Variants in SUPT3H observed in about 807,000 individuals in gnomAD.
The protein encoded by SUPT3H is SPT3 homolog, SAGA and STAGA complex component, also known as transcription initiation protein SPT3 homolog.
In SUPT3H, 44 loss-of-function variants were observed where a neutral mutation model predicts 44.3. The observed-to-expected ratio is 0.99, with a 90% confidence interval of 0.78 to 1.28. SUPT3H has a LOEUF of 1.28. Among genes scored for constraint, SUPT3H ranks in the 50% most tolerant of loss-of-function variants. The pLI is 0.00. For missense variants in SUPT3H, 380 were observed against 387.1 expected (o/e 0.98, Z 0.15); for synonymous variants, 124 against 125.6 (o/e 0.99, Z 0.09).
intron 2 of SUPT3H, among the ~76,000 whole-genome samples, chr6:45,223,981 A>G (rs888727857): frequency 2.1e-4 from 32 of 148,954 alleles, no homozygotes; most frequent in Admixed American, 6.0e-4. Context: ...TTAATAAAAT[A>G]TATCTAATAT....
chr6:44,958,437 T>C (rs540349077), intron 7 of SUPT3H, among the ~76,000 whole-genome samples: 1 of 152,318 alleles, frequency 6.6e-6, no homozygotes, highest in South Asian at 2.1e-4. Flanking sequence ...GAAACTACTT[T>C]GCAACTTCAA....
At chr6:45,195,272 A>T (rs1815826981) in intron 2 of SUPT3H, among the ~76,000 whole-genome samples, 1 of 152,178 alleles carries the variant, frequency 6.6e-6, no homozygotes, top group Admixed American at 6.6e-5. Context: ...AGAAAAAGAG[A>T]GCAATGATCA....
intron 2 of SUPT3H, among the ~76,000 whole-genome samples, chr6:45,222,078 C>CA (rs1177647715): frequency 6.6e-6 from 1 of 151,126 alleles, no homozygotes; most frequent in Non-Finnish European, 1.5e-5. Flanking sequence ...CATTCATAGG[C>CA]AAAAAAATAA....
chr6:45,150,441 TAA>T (rs1323849166), intron 2 of SUPT3H, among the ~76,000 whole-genome samples: 5 of 152,072 alleles, frequency 3.3e-5, no homozygotes, highest in African/African-American at 9.7e-5. Context: ...TATAAATACT[TAA>T]AGAGTCTACT....
intron 2 of SUPT3H, among the ~76,000 whole-genome samples, chr6:45,123,477 G>A (rs1032851128): frequency 6.6e-6 from 1 of 150,996 alleles, no homozygotes; most frequent in Non-Finnish European, 1.5e-5. Flanking sequence ...GGTCTCAAGT[G>A]ATCCTCCCAC....
intron 2 of SUPT3H, among the ~76,000 whole-genome samples, chr6:45,215,928 A>T (rs541046026): frequency 1.3e-5 from 2 of 152,332 alleles, no homozygotes; most frequent in African/African-American, 4.8e-5. Context: ...CAAGCAAGAC[A>T]AGTGTCAAGT....
At chr6:44,985,366 C>T (rs1212673700) in intron 6 of SUPT3H, among the ~76,000 whole-genome samples, 4 of 151,946 alleles carry the variant, frequency 2.6e-5, no homozygotes. Context: ...TGCACTCCAG[C>T]TTGGGTGACA....
At chr6:44,901,952 C>A (rs371330799) in intron 10 of SUPT3H, among the ~76,000 whole-genome samples, 1 of 152,046 alleles carries the variant, frequency 6.6e-6, no homozygotes, top group Non-Finnish European at 1.5e-5. Context: ...GAAATAAAAT[C>A]CTTTACAGAC....
At chr6:45,370,880 C>A (rs1795949074) in intron 1 of SUPT3H, among the ~76,000 whole-genome samples, 1 of 152,032 alleles carries the variant, frequency 6.6e-6, no homozygotes, top group Non-Finnish European at 1.5e-5. Flanking sequence ...ATTCCATATG[C>A]TTTCATATCC....
chr6:44,907,378 T>G (rs768281554), intron 10 of SUPT3H, among the ~76,000 whole-genome samples: 17 of 152,162 alleles, frequency 1.1e-4, no homozygotes, highest in Non-Finnish European at 5.9e-5. Context: ...TTTTCTTACC[T>G]ATAAAATAAA....
chr6:45,270,142 A>C (rs1375243272), intron 2 of SUPT3H, among the ~76,000 whole-genome samples: 2 of 152,180 alleles, frequency 1.3e-5, no homozygotes, highest in Non-Finnish European at 2.9e-5. Context: ...ATAAAAATAA[A>C]AGAATATAAA....
chr6:45,300,602 T>C (rs561000772), intron 2 of SUPT3H, among the ~76,000 whole-genome samples: 1 of 152,252 alleles, frequency 6.6e-6, no homozygotes, highest in African/African-American at 2.4e-5. Context: ...GGCTGGAAGA[T>C]AGGAAGCGAC....
chr6:45,210,678 T>C (rs1444770652), intron 2 of SUPT3H, among the ~76,000 whole-genome samples: 1 of 152,206 alleles, frequency 6.6e-6, no homozygotes, highest in African/African-American at 2.4e-5. Context: ...GGTGCATCCT[T>C]AACCTTGGCA....
chr6:45,153,662 G>A (rs1807311891), intron 2 of SUPT3H, among the ~76,000 whole-genome samples: 1 of 152,192 alleles, frequency 6.6e-6, no homozygotes, highest in South Asian at 2.1e-4. Flanking sequence ...CTTGAGGTCA[G>A]GAGTTCGAGA....
At chr6:45,013,319 T>C (rs1316926405) in intron 5 of SUPT3H, among the ~76,000 whole-genome samples, 1 of 152,088 alleles carries the variant, frequency 6.6e-6, no homozygotes, top group Non-Finnish European at 1.5e-5. Flanking sequence ...CACCAGGATC[T>C]TCATTGTTGT....
chr6:45,065,020 C>G (rs906191124), intron 3 of SUPT3H, among the ~76,000 whole-genome samples: 109 of 151,124 alleles, frequency 7.2e-4, no homozygotes, highest in African/African-American at 2.4e-3. Flanking sequence ...TTTTTCAGCA[C>G]CACACCACAC....
chr6:45,241,001 T>G (rs1770195794), intron 2 of SUPT3H, among the ~76,000 whole-genome samples: 1 of 152,174 alleles, frequency 6.6e-6, no homozygotes, highest in Non-Finnish European at 1.5e-5. Context: ...GCAGACAGAT[T>G]AGCAGCTAGT....
intron 2 of SUPT3H, among the ~76,000 whole-genome samples, chr6:45,185,877 G>A (rs1457023015): frequency 6.6e-6 from 1 of 152,178 alleles, no homozygotes; most frequent in African/African-American, 2.4e-5. Context: ...CACCCATCAG[G>A]ATCAGCAAAG....
At chr6:45,148,042 T>A (rs879391293) in intron 2 of SUPT3H, among the ~76,000 whole-genome samples, 2 of 152,146 alleles carry the variant, frequency 1.3e-5, no homozygotes, top group Non-Finnish European at 2.9e-5. Flanking sequence ...TCACTGCTGG[T>A]AGCAACTAAC....
Sources: gnomAD v4.1 joint callset for allele counts (sites outside exome capture counted in the v4.1 genomes callset) on GRCh38, gnomAD v4.1.1 for gene constraint, MANE v1.5 for transcripts, NCBI Gene and HGNC (gene_info 2026-07-23, HGNC 2026-07-21) for gene names.